The following CCSER1 variants were observed in gnomAD, a reference collection of about 807,000 sequenced individuals.
CCSER1 encodes serine-rich coiled-coil domain-containing protein 1.
Under a neutral mutation model 82.0 loss-of-function variants are expected in CCSER1, and 41 were observed. The ratio of observed to expected loss-of-function variants is 0.50; its 90% CI spans 0.39 to 0.65. The LOEUF is 0.65. Ranked by LOEUF, CCSER1 falls within the 30% of genes least tolerant of loss-of-function variation. The pLI, the probability that CCSER1 is intolerant of heterozygous loss-of-function variation, is 0.00. For synonymous variants in CCSER1, 414 were observed against 383.9 expected (o/e 1.08, Z -0.92); for missense variants, 1,119 against 1,064.2 (o/e 1.05, Z -0.72).
intron 6 of CCSER1, among the ~76,000 whole-genome samples, chr4:90,702,913 CA>C (rs1310018258): frequency 6.6e-6 from 1 of 151,996 alleles, no homozygotes; most frequent in African/African-American, 2.4e-5. Flanking sequence ...TTGATCTTTT[CA>C]AAAAACCAGC....
chr4:90,178,447 T>C (rs553921133), intron 1 of CCSER1, among the ~76,000 whole-genome samples: 2 of 152,278 alleles, frequency 1.3e-5, no homozygotes, highest in African/African-American at 4.8e-5. Flanking sequence ...TTGGCTTTTT[T>C]TTGAAAGATC....
At chr4:91,161,290 G>C (rs1159063590) in intron 10 of CCSER1, among the ~76,000 whole-genome samples, 1 of 152,148 alleles carries the variant, frequency 6.6e-6, no homozygotes. Context: ...GTACCCTGCT[G>C]TTTTGATTAC....
At chr4:91,333,687 T>C (rs1747114159) in intron 10 of CCSER1, among the ~76,000 whole-genome samples, 1 of 152,070 alleles carries the variant, frequency 6.6e-6, no homozygotes, top group Non-Finnish European at 1.5e-5. Context: ...AATACATAAA[T>C]ATAACTGTTT....
chr4:90,300,573 A>G (rs1579048213), intron 1 of CCSER1, among the ~76,000 whole-genome samples: 1 of 152,196 alleles, frequency 6.6e-6, no homozygotes, highest in South Asian at 2.1e-4. Context: ...ATTATCTCAT[A>G]TATGAGACCA....
intron 8 of CCSER1, among the ~76,000 whole-genome samples, chr4:90,861,124 G>A (rs1428977297): frequency 6.6e-6 from 1 of 151,690 alleles, no homozygotes; most frequent in African/African-American, 2.4e-5. Context: ...TCCAAGGATA[G>A]TAATGCACAG....
At position 90,574,426 on chromosome 4, in the gene CCSER1, G is replaced by A. The variant is rs1051640267; in HGVS notation, c.1725-53599G>A. On this transcript the variant is annotated intron_variant, in intron 5 of 10. Coordinates refer to ENST00000509176, the MANE Select transcript of CCSER1 (RefSeq NM_001145065.2). ...TGGGACTACAGGCGCCCGCCACCGC[G>A]CCCGGCTAATTTTTTGTATTTTTAG... Among the ~76,000 whole-genome samples the A allele has an allele frequency of 3.5e-4, 52 of 150,360 alleles. 1 individual carries two copies. Among genetic ancestry groups the A allele is most frequent in the African/African-American group, 1.2e-3 (50 of 40,892 alleles).
At position 91,163,817 on chromosome 4, in the gene CCSER1, A is replaced by T. The variant is rs143129268; in HGVS notation, c.2217+77823A>T. ...TCCTCTATCCCTTTATTTTGAGCCT[A>T]TGTGTGTCTCTGCAAGTGAGATGGG... On this transcript the variant is annotated intron_variant, in intron 10 of 10. Coordinates refer to ENST00000509176, the MANE Select transcript of CCSER1 (RefSeq NM_001145065.2). Among the ~76,000 whole-genome samples, 665 of 152,018 alleles carry T rather than the reference A, an allele frequency of 4.4e-3. 4 individuals carry two copies. The highest frequency in any genetic ancestry group is 0.015 in the African/African-American group (621 of 41,466).
At chr4:91,563,410 TGAAG>T (rs911489371) in intron 10 of CCSER1, among the ~76,000 whole-genome samples, 4 of 151,580 alleles carry the variant, frequency 2.6e-5, no homozygotes, top group Admixed American at 6.6e-5. Flanking sequence ...ATTAACAGAA[TGAAG>T]GATGAAAATC....
intron 10 of CCSER1, among the ~76,000 whole-genome samples, chr4:91,161,866 T>C (rs1284990986): frequency 1.3e-5 from 2 of 152,160 alleles, no homozygotes; most frequent in Non-Finnish European, 2.9e-5. Flanking sequence ...AAATACACAA[T>C]CATGTCATCT....
intron 3 of CCSER1, among the ~76,000 whole-genome samples, chr4:90,360,078 T>C (rs891933070): frequency 6.7e-6 from 1 of 148,870 alleles, no homozygotes; most frequent in Non-Finnish European, 1.5e-5. Flanking sequence ...CCATCACGCC[T>C]GGCTAATTTT....
At chr4:91,448,231 G>A (rs1452103488) in intron 10 of CCSER1, among the ~76,000 whole-genome samples, 1 of 151,954 alleles carries the variant, frequency 6.6e-6, no homozygotes, top group Non-Finnish European at 1.5e-5. Context: ...CTATTTGACA[G>A]ACTAATTTCT....
intron 10 of CCSER1, among the ~76,000 whole-genome samples, chr4:91,172,149 G>A (rs1025527436): frequency 3.3e-5 from 5 of 152,134 alleles, no homozygotes; most frequent in Admixed American, 6.6e-5. Flanking sequence ...CCCTTGCAAC[G>A]TCATATCACA....
chr4:90,986,620 C>A (rs1736598780), intron 9 of CCSER1, among the ~76,000 whole-genome samples: 1 of 151,520 alleles, frequency 6.6e-6, no homozygotes, highest in Non-Finnish European at 1.5e-5. Flanking sequence ...AGTTAGACAC[C>A]AAACCACATG....
At chr4:91,451,071 G>T (rs1755845308) in intron 10 of CCSER1, among the ~76,000 whole-genome samples, 1 of 112,158 alleles carries the variant, frequency 8.9e-6, no homozygotes, top group South Asian at 3.8e-4. Flanking sequence ...TCCGGTGAAT[G>T]TGAGTTTTCT....
chr4:91,411,542 A>ATATATATATACATATATATATATAT (rs1553934221), intron 10 of CCSER1, among the ~76,000 whole-genome samples: 1 of 125,016 alleles, frequency 8.0e-6, no homozygotes, highest in African/African-American at 3.0e-5. Flanking sequence ...TTGACTAGTT[A>ATATATATATACATATATATATATAT]ATATATTTAA....
At chr4:90,203,245 C>T (rs112652683) in intron 1 of CCSER1, among the ~76,000 whole-genome samples, 96 of 152,120 alleles carry the variant, frequency 6.3e-4, no homozygotes, top group Non-Finnish European at 1.0e-3. Flanking sequence ...ATGTGCAGAA[C>T]GTGCAGGTTT....
At chr4:90,466,009 A>C (rs1292818861) in intron 4 of CCSER1, among the ~76,000 whole-genome samples, 1 of 152,222 alleles carries the variant, frequency 6.6e-6, no homozygotes, top group East Asian at 1.9e-4. Context: ...GCCATACTGC[A>C]CTACACACTT....
chr4:90,172,768 GTACTAGC>G (rs2153379170), intron 1 of CCSER1, among the ~76,000 whole-genome samples: 1 of 151,930 alleles, frequency 6.6e-6, no homozygotes, highest in African/African-American at 2.4e-5. Flanking sequence ...AAAGTCATGC[GTACTAGC>G]TACGTTTGAA....
rs190329553 is a variant in CCSER1 at position 91,403,270 on chromosome 4, G to A, written c.2218-195302G>A. Among the ~76,000 whole-genome samples the A allele has an allele frequency of 6.3e-4, 96 of 152,280 alleles. 1 individual carries two copies. The highest frequency in any genetic ancestry group is 9.6e-4 in the Non-Finnish European group (65 of 68,018). On this transcript the variant is annotated intron_variant, in intron 10 of 10. Coordinates refer to ENST00000509176, the MANE Select transcript of CCSER1 (RefSeq NM_001145065.2). Reference sequence around the variant, plus strand: ...TGTATCCTGAGACTTTGCTGAAGTCGCTTATCAGATTAAGGAGATTTTGGG... The same window carrying A: ...TGTATCCTGAGACTTTGCTGAAGTCACTTATCAGATTAAGGAGATTTTGGG...
Sources: allele counts gnomAD v4.1 joint callset (sites outside exome capture counted in the v4.1 genomes callset), GRCh38; gene constraint gnomAD v4.1.1; transcripts MANE v1.5; gene names NCBI Gene and HGNC (gene_info 2026-07-23, HGNC 2026-07-21).